The following TPM3 variants were observed in gnomAD, a reference collection of about 807,000 sequenced individuals.
The protein encoded by TPM3 is tropomyosin alpha-3 chain.
TPM3 carries 16 observed loss-of-function variants against 43.1 expected under a neutral mutation model. The ratio of observed to expected loss-of-function variants is 0.37; its 90% CI spans 0.25 to 0.56. The LOEUF is 0.56. TPM3 is among the 20% of genes least tolerant of loss of function. The pLI, the probability that TPM3 is intolerant of heterozygous loss-of-function variation, is 0.77. For synonymous variants in TPM3, 101 were observed against 116.9 expected (o/e 0.86, Z 0.88); for missense variants, 176 against 337.2 (o/e 0.52, Z 3.74).
chr1:154,169,855 C>T (rs541069835), intron 8 of TPM3: 3 of 251,734 alleles, frequency 1.2e-5, no homozygotes, highest in Non-Finnish European at 2.3e-5. Context: ...AAGGAGCATA[C>T]ATCAGAGTTC....
chr1:154,184,185 C>T (rs1397128610), intron 2 of TPM3, among the ~76,000 whole-genome samples: 1 of 151,916 alleles, frequency 6.6e-6, no homozygotes, highest in African/African-American at 2.4e-5. Context: ...TAGCGCCCTC[C>T]ACCACGCCCG....
chr1:154,174,407 T>TATATATACACACACAC (rs1261318136), intron 3 of TPM3, among the ~76,000 whole-genome samples: 6 of 72,672 alleles, frequency 8.3e-5, no homozygotes, highest in African/African-American at 1.5e-4. Context: ...TATATATATA[T>TATATATACACACACAC]ACACACAAAA....
In TPM3 at chr1:154,162,181, A is replaced by G. The variant is rs1571364579; in HGVS notation, c.*5756T>C. On this transcript the variant is annotated 3_prime_UTR_variant, in exon 10 of 10. Transcript: ENST00000651641. The stretch of plus-strand genomic sequence containing the variant: ...GTCAGGAGTTTGAGATCAGCCTAAC[A>G]TGTTGAAACCTAGTCTCTACTAAAA... 6.6e-6 allele frequency among the ~76,000 whole-genome samples: 1 copy of G among 152,068 alleles called. No individual in the cohort carries two copies.
chr1:154,176,579 G>A (rs1049041451), intron 2 of TPM3, among the ~76,000 whole-genome samples: 5 of 148,352 alleles, frequency 3.4e-5, no homozygotes, highest in African/African-American at 1.2e-4. Context: ...GTCAATGAAG[G>A]GTTCCTTCTG....
downstream of TPM3, chr1:154,157,505 AGGGGGT>A: frequency 1.3e-6 from 1 of 759,424 alleles, no homozygotes; most frequent in South Asian, 1.4e-5. Flanking sequence ...ACAGGGAAGG[AGGGGGT>A]GGTGAAAGGA....
intron 2 of TPM3, among the ~76,000 whole-genome samples, chr1:154,177,003 AATCCTGG>A (rs1378844927): frequency 1.3e-5 from 2 of 151,004 alleles, no homozygotes; most frequent in African/African-American, 4.9e-5. Context: ...AAAAAGAGGG[AATCCTGG>A]ATTACCTATT....
downstream of TPM3, chr1:154,157,643 A>G (rs1558023036): frequency 1.3e-6 from 1 of 778,906 alleles, no homozygotes; most frequent in Non-Finnish European, 2.4e-6. Flanking sequence ...GGCGTTCTAC[A>G]TCTCATTCAG....
rs1204496094 is a variant in TPM3, at chr1:154,176,210, C to G, written c.282G>C (p.Gln94His). The change falls in exon 3 of 10, where the codon CAG becomes CAC. Residue 94 changes from glutamine to histidine, a missense_variant. Around this residue, in one of 4 missense-constraint regions of TPM3, gnomAD observed 82 missense variants for 148.8 expected, o/e 0.55. Coordinates refer to ENST00000651641, the MANE Select transcript of TPM3 (RefSeq NM_152263.4). The part of the protein sequence containing the change: ...AEVASLNRRI[Q>H]LVEEELDRAQ... ...CACGGTCCAGCTCTTCTTCAACCAG[C>G]TGGATCCTACGGTTCAAGGAGGCCA... 1 of 1,614,196 alleles carries G rather than the reference C, an allele frequency of 6.2e-7. No individual in the cohort carries two copies. Among genetic ancestry groups the G allele is most frequent in the Non-Finnish European group, 8.5e-7 (1 of 1,180,044 alleles).
In TPM3 at chr1:154,166,710, GTC is replaced by G. The variant is rs1390130715; in HGVS notation, c.*1225_*1226del. 12 of 979,596 alleles carry G rather than the reference GTC, an allele frequency of 1.2e-5. No individual in the cohort carries two copies. In the Admixed American group the frequency reaches 1.9e-4, roughly 15 times the overall value. The allele number at this position is 979,596 out of a possible 1,614,324, so 60.7% of individuals were successfully genotyped here. A position where few individuals can be genotyped will look rare whatever the true frequency, so the allele number is the denominator to read the frequency against. On this transcript the variant is annotated 3_prime_UTR_variant, in exon 10 of 10. Coordinates refer to ENST00000651641, the MANE Select transcript of TPM3 (RefSeq NM_152263.4). Reference sequence around the variant, plus strand: ...ATTCCTTTTTTTTTTTTGAGATGGAGTCTCTCTGTTGCCCAGGCTGGAATGCA... The same window carrying G: ...ATTCCTTTTTTTTTTTTGAGATGGAGTCTCTGTTGCCCAGGCTGGAATGCA...
At chr1:154,191,766 T>C in intron 1 of TPM3, 136 bp downstream of exon 1, 3 of 1,589,728 alleles carry the variant, frequency 1.9e-6, no homozygotes, top group African/African-American at 2.7e-5. Context: ...CCTCTGCTCC[T>C]CCAGTGAGGC....
rs187640438 is a variant in TPM3 at position 154,173,494 on chromosome 1, G to A, written c.378-293C>T. Among the ~76,000 whole-genome samples, 17 of 152,128 alleles carry A rather than the reference G, an allele frequency of 1.1e-4. 1 individual carries two copies. The East Asian group carries it at 1.4e-3, about 12-fold the overall frequency. ...AGCCTGACCAACATGGAGAAACCCC[G>A]TCTCTACTAAAAATACAAAATTAGC... On this transcript the variant is annotated intron_variant, in intron 3 of 9. Coordinates refer to ENST00000651641, the MANE Select transcript of TPM3 (RefSeq NM_152263.4).
downstream of TPM3, among the ~76,000 whole-genome samples, chr1:154,158,354 A>G (rs528451208): frequency 6.6e-6 from 1 of 152,344 alleles, no homozygotes; most frequent in South Asian, 2.1e-4. Flanking sequence ...TGAAATTAAC[A>G]TAAAACCAGA....
At chr1:154,156,762 ACAG>A (rs2148180673), downstream of TPM3, 1 of 199,352 alleles carries the variant, frequency 5.0e-6, no homozygotes, top group African/African-American at 2.3e-5. Flanking sequence ...ACTTCTAGAG[ACAG>A]CAGCTTCAAA....
At chr1:154,159,656 G>A (rs1660148760), downstream of TPM3, among the ~76,000 whole-genome samples, 1 of 152,138 alleles carries the variant, frequency 6.6e-6, no homozygotes. Flanking sequence ...CAAATAGTGT[G>A]CCTAGTCCCA....
intron 2 of TPM3, among the ~76,000 whole-genome samples, chr1:154,182,132 A>C (rs1663024716): frequency 6.6e-6 from 1 of 152,222 alleles, no homozygotes; most frequent in African/African-American, 2.4e-5. Flanking sequence ...GCTCGGAAGA[A>C]ATGTTCTTAA....
chr1:154,176,070 T>G, intron 3 of TPM3, 45 bp downstream of exon 3: 1 of 1,611,820 alleles, frequency 6.2e-7, no homozygotes. Flanking sequence ...ATCAGAACTA[T>G]TATGAACTTT....
chr1:154,167,645 A>C lies in TPM3; in HGVS notation c.*292T>G. 1 of 1,297,644 alleles carries C rather than the reference A, an allele frequency of 7.7e-7. No individual in the cohort carries two copies. Among genetic ancestry groups the C allele is most frequent in the East Asian group, 3.1e-5 (1 of 32,672 alleles). The allele number at this position is 1,297,644 out of a possible 1,614,324, so 80.4% of individuals were successfully genotyped here. ...TGGCTTTGATTACATAAGTCAGAGG[A>C]GGGGGAGCCTACAATAGCTCTTCCC... On this transcript the variant is annotated 3_prime_UTR_variant, in exon 10 of 10. Coordinates refer to ENST00000651641, the MANE Select transcript of TPM3 (RefSeq NM_152263.4).
At chr1:154,160,455 G>A (rs1461362046), downstream of TPM3, among the ~76,000 whole-genome samples, 1 of 152,160 alleles carries the variant, frequency 6.6e-6, no homozygotes, top group Non-Finnish European at 1.5e-5. Flanking sequence ...AAAACAGAAA[G>A]CATATATGTG....
chr1:154,170,625 G>A, intron 7 of TPM3, 24 bp downstream of exon 7: 1 of 1,610,426 alleles, frequency 6.2e-7, no homozygotes, highest in Non-Finnish European at 8.5e-7. Context: ...TTTGGGTTCT[G>A]CCCTATAAAT....
Sources: allele counts gnomAD v4.1 joint callset (sites outside exome capture counted in the v4.1 genomes callset), GRCh38; gene constraint gnomAD v4.1.1; regional missense constraint gnomAD v4.1.1; transcripts MANE v1.5; gene names NCBI Gene and HGNC (gene_info 2026-07-23, HGNC 2026-07-21).